Variants in LRRC27 observed in about 807,000 individuals in gnomAD.
LRRC27 encodes the protein leucine-rich repeat-containing protein 27.
Under a neutral mutation model 55.0 loss-of-function variants are expected in LRRC27, and 57 were observed. That is an observed-to-expected ratio of 1.04 (90% CI 0.84 to 1.29). LRRC27 has a LOEUF of 1.29. LRRC27 is among the 50% of genes most tolerant of loss of function. The pLI, the probability that LRRC27 is intolerant of heterozygous loss-of-function variation, is 0.00. For missense variants in LRRC27, 721 were observed against 651.5 expected (o/e 1.11, Z -1.16); for synonymous variants, 278 against 251.9 (o/e 1.10, Z -0.98).
chr10:132,339,596 C>T (rs1269157616), intron 3 of LRRC27, among the ~76,000 whole-genome samples: 1 of 152,226 alleles, frequency 6.6e-6, no homozygotes, highest in East Asian at 1.9e-4. Context: ...CAGGTGCTCT[C>T]TGGGCAGTTG....
At position 132,333,647 on chromosome 10, in the gene LRRC27, C is replaced by G. The variant is rs768362001; in HGVS notation, c.123C>G (p.Gly41=). The change falls in exon 2 of 11, where the codon GGC becomes GGG. Residue 41 remains glycine, a synonymous_variant. Transcript: ENST00000368614. ...PSKDVHKGVG[G]IIFSSSPILD... The stretch of plus-strand genomic sequence containing the variant: ...AAGATGTTCACAAGGGTGTTGGAGG[C>G]ATCATCTTTTCCTCCTCACCGATTT... The G allele has an allele frequency of 2.5e-6, 4 of 1,613,558 alleles. No homozygotes were observed. The South Asian group carries it at 4.4e-5, about 18-fold the overall frequency.
At chr10:132,357,946 C>G (rs1016995261) in intron 8 of LRRC27, among the ~76,000 whole-genome samples, 6 of 152,140 alleles carry the variant, frequency 3.9e-5, no homozygotes, top group Non-Finnish European at 7.3e-5. Context: ...CCCCACAGGC[C>G]CTGGGTGAGG....
chr10:132,357,889 T>C (rs1228665552), intron 8 of LRRC27, among the ~76,000 whole-genome samples: 2 of 152,166 alleles, frequency 1.3e-5, no homozygotes, highest in Non-Finnish European at 2.9e-5. Flanking sequence ...GACCCTCGGC[T>C]GTGGCAGCAG....
Position 132,347,933 on chromosome 10 carries a change from C to T in LRRC27, c.554-51C>T, listed in dbSNP as rs765403308. The T allele has an allele frequency of 3.9e-6, 6 of 1,534,120 alleles. No homozygotes were observed. The Admixed American group carries it at 1.1e-4, about 27-fold the overall frequency. ...CGTCACTGGCTTTTTGAATAAGTCA[C>T]AGAGGGATGGCGTTGATGGTAGCTA... On this transcript the variant is annotated intron_variant, in intron 5 of 10. Transcript: ENST00000368614.
At position 132,378,432 on chromosome 10, in the gene LRRC27, C is replaced by T. The variant is rs2069365859; in HGVS notation, c.*3190C>T. On this transcript the variant is annotated 3_prime_UTR_variant, in exon 11 of 11. Transcript: ENST00000368614. ...TTTACTATTTTTTCCCCTGTTCTCC[C>T]TCTTCTCCCTGAGACTTCAGTTTTG... 1 of 151,148 alleles carries T rather than the reference C, an allele frequency of 6.6e-6. No homozygotes were observed. The highest frequency in any genetic ancestry group is 6.6e-5 in the Admixed American group (1 of 15,188). 9.4% of individuals were successfully genotyped at this position (151,148 alleles called of 1,614,324 possible).
rs556399261 is a variant in LRRC27, at chr10:132,379,369, G to A, written c.*4127G>A. 6.6e-4 allele frequency: 87 copies of A among 132,806 alleles called. No individual in the cohort carries two copies. The highest frequency in any genetic ancestry group is 2.5e-3 in the African/African-American group (85 of 33,960). 8.2% of individuals were successfully genotyped at this position (132,806 alleles called of 1,614,324 possible). ...TCCGTGTTCTCGGGGAGTGCGTGGT[G>A]TCAGATCCCATCCTGCTCCTCTCCA... On this transcript the variant is annotated 3_prime_UTR_variant, in exon 11 of 11. Transcript: ENST00000368614.
chr10:132,365,340 T>C, intron 9 of LRRC27, 84 bp from the exon 10 acceptor site: 1 of 1,555,082 alleles, frequency 6.4e-7, no homozygotes, highest in Non-Finnish European at 8.8e-7. Context: ...GAAAGGCACA[T>C]GCTTTCTCCC....
chr10:132,331,514 C>T, upstream of LRRC27: 1 of 1,612,930 alleles, frequency 6.2e-7, no homozygotes, highest in South Asian at 1.1e-5. Context: ...GTCTGCGTTC[C>T]CCTGGCAGCA....
intron 8 of LRRC27, among the ~76,000 whole-genome samples, chr10:132,358,006 CCTGCGCTGGCCCAGGCA>C (rs1206820710): frequency 2.6e-5 from 4 of 152,350 alleles, no homozygotes; most frequent in East Asian, 1.9e-4. Context: ...ACCCTCTGGG[CCTGCGCTGGCCCAGGCA>C]CTGGTGAGAT....
chr10:132,355,440 C>T (rs550195601), intron 7 of LRRC27, among the ~76,000 whole-genome samples: 1 of 152,316 alleles, frequency 6.6e-6, no homozygotes, highest in South Asian at 2.1e-4. Context: ...AGCCAGGCAC[C>T]CCCAACCCGT....
At chr10:132,363,561 G>A (rs1209014030) in intron 9 of LRRC27, among the ~76,000 whole-genome samples, 2 of 152,164 alleles carry the variant, frequency 1.3e-5, no homozygotes, top group South Asian at 2.1e-4. Flanking sequence ...GAGACCACTG[G>A]AGACCCCAGG....
intron 9 of LRRC27, among the ~76,000 whole-genome samples, chr10:132,361,943 G>A (rs887846602): frequency 2.6e-5 from 4 of 151,630 alleles, no homozygotes; most frequent in Admixed American, 6.6e-5. Context: ...CCTCACCGCC[G>A]CTGCCTCCCC....
Position 132,363,715 on chromosome 10 carries a change from C to A in LRRC27, c.1290-1709C>A, listed in dbSNP as rs562455024. On this transcript the variant is annotated intron_variant, in intron 9 of 10. Transcript: ENST00000368614. ...TGAGCTTGGAAGGCCCAGGGCCTGG[C>A]CCCGGCCCTGCTGCTCAGCGTACGT... 7.7e-4 allele frequency among the ~76,000 whole-genome samples: 117 copies of A among 152,302 alleles called. No individual in the cohort carries two copies. In the East Asian group the frequency reaches 9.5e-3, roughly 12 times the overall value.
At chr10:132,367,582 A>C (rs2069127761) in intron 10 of LRRC27, among the ~76,000 whole-genome samples, 1 of 152,278 alleles carries the variant, frequency 6.6e-6, no homozygotes, top group African/African-American at 2.4e-5. Flanking sequence ...AATGCAATTC[A>C]TCACATCAGT....
At chr10:132,353,545 G>C in intron 7 of LRRC27, 1 of 558,446 alleles carries the variant, frequency 1.8e-6, no homozygotes, top group Non-Finnish European at 2.3e-6. Context: ...TGAATGAGGT[G>C]AAGTCCTCAG....
chr10:132,369,494 C>T (rs1225582279), intron 10 of LRRC27, among the ~76,000 whole-genome samples: 4 of 152,164 alleles, frequency 2.6e-5, no homozygotes, highest in Non-Finnish European at 2.9e-5. Flanking sequence ...ATGAAAAGGC[C>T]GTACACAGAT....
At chr10:132,347,111 C>CAAACAAGA (rs2132879250) in intron 5 of LRRC27, among the ~76,000 whole-genome samples, 1 of 152,364 alleles carries the variant, frequency 6.6e-6, no homozygotes, top group South Asian at 2.1e-4. Flanking sequence ...AAAGCATCAC[C>CAAACAAGA]AAACAAGAAA....
intron 8 of LRRC27, among the ~76,000 whole-genome samples, chr10:132,357,204 A>G (rs2068349680): frequency 6.6e-6 from 1 of 152,242 alleles, no homozygotes; most frequent in Admixed American, 6.5e-5. Flanking sequence ...AATGCGTTGG[A>G]TAAACCAGGA....
chr10:132,364,455 T>C (rs1203293668), intron 9 of LRRC27, among the ~76,000 whole-genome samples: 4 of 118,084 alleles, frequency 3.4e-5, no homozygotes, highest in Admixed American at 8.4e-5. Flanking sequence ...ACACCCACAC[T>C]CACACCCACC....
Sources: gnomAD v4.1 joint callset for allele counts (sites outside exome capture counted in the v4.1 genomes callset) on GRCh38, gnomAD v4.1.1 for gene constraint, MANE v1.5 for transcripts, NCBI Gene and HGNC (gene_info 2026-07-23, HGNC 2026-07-21) for gene names.